The following GLIS3 variants were observed in gnomAD, a reference collection of about 807,000 sequenced individuals.
The protein encoded by GLIS3 is GLIS family zinc finger 3.
In GLIS3, 53 loss-of-function variants were observed where a neutral mutation model predicts 78.6. The observed-to-expected ratio is 0.67, with a 90% CI of 0.54 to 0.85. The LOEUF (loss-of-function observed/expected upper bound fraction) is 0.85. Among genes scored for constraint, GLIS3 ranks in the 40% least tolerant of loss-of-function variants. GLIS3 has a pLI of 0.00. For synonymous variants in GLIS3, 684 were observed against 509.9 expected (o/e 1.34, Z -4.60); for missense variants, 1,703 against 1,231.1 (o/e 1.38, Z -5.74).
At chr9:4,084,358 T>C (rs1250064359) in intron 4 of GLIS3, among the ~76,000 whole-genome samples, 1 of 152,044 alleles carries the variant, frequency 6.6e-6, no homozygotes, top group Admixed American at 6.6e-5. Flanking sequence ...TGCGGTTCTC[T>C]ACATTTGAAG....
intron 9 of GLIS3, among the ~76,000 whole-genome samples, chr9:3,831,636 T>C (rs1388439374): frequency 1.3e-5 from 2 of 152,228 alleles, no homozygotes; most frequent in Non-Finnish European, 2.9e-5. Context: ...CCTGAAAATA[T>C]ATTCTGAAGA....
chr9:3,831,496 C>G (rs1818042226), intron 9 of GLIS3, among the ~76,000 whole-genome samples: 1 of 152,178 alleles, frequency 6.6e-6, no homozygotes, highest in African/African-American at 2.4e-5. Flanking sequence ...ATGAAGAAGG[C>G]ATTTCTATGT....
chr9:4,477,478 G>C, the GLIS3 span, among the ~76,000 whole-genome samples: 13 of 151,990 alleles, frequency 8.6e-5, no homozygotes, highest in Admixed American at 6.6e-5. Context: ...GCAATGGCGT[G>C]ATCACGGCTC....
chr9:4,005,421 C>G (rs538675682), intron 4 of GLIS3, among the ~76,000 whole-genome samples: 1 of 152,156 alleles, frequency 6.6e-6, no homozygotes, highest in Non-Finnish European at 1.5e-5. Context: ...TTCATACTCA[C>G]AGGGGGCTAA....
At chr9:4,254,237 A>G (rs764716673) in intron 2 of GLIS3, among the ~76,000 whole-genome samples, 1 of 152,218 alleles carries the variant, frequency 6.6e-6, no homozygotes, top group Non-Finnish European at 1.5e-5. Context: ...TATTAGTAAA[A>G]CCAATCAGAA....
chr9:4,485,020 G>A, the GLIS3 span, among the ~76,000 whole-genome samples: 1 of 148,444 alleles, frequency 6.7e-6, no homozygotes, highest in Admixed American at 6.7e-5. Context: ...TTGGGGGGGT[G>A]GGGGTGGTGG....
chr9:4,414,805 T>C, the GLIS3 span, among the ~76,000 whole-genome samples: 12 of 152,162 alleles, frequency 7.9e-5, no homozygotes, highest in Non-Finnish European at 1.2e-4. Context: ...GTTTCTCATC[T>C]TCCACCGTAT....
intron 2 of GLIS3, among the ~76,000 whole-genome samples, chr9:4,233,259 G>A (rs7028062): frequency 0.24 from 37,193 of 152,038 alleles, 5,233 homozygotes; most frequent in Middle Eastern, 0.33. Flanking sequence ...GTTATAGCTG[G>A]CCACTGTCAC....
chr9:4,333,160 T>C (rs1469236408), intron 2 of GLIS3, among the ~76,000 whole-genome samples: 1 of 151,758 alleles, frequency 6.6e-6, no homozygotes, highest in East Asian at 1.9e-4. Flanking sequence ...AGCAGGAGGA[T>C]TGCTTGAGAC....
At chr9:4,051,133 G>C (rs1247549139) in intron 4 of GLIS3, among the ~76,000 whole-genome samples, 1 of 152,106 alleles carries the variant, frequency 6.6e-6, no homozygotes. Flanking sequence ...AAAGAAACTG[G>C]GTCAAAATGG....
chr9:4,390,696 T>G, the GLIS3 span, among the ~76,000 whole-genome samples: 3 of 152,032 alleles, frequency 2.0e-5, no homozygotes, highest in African/African-American at 7.2e-5. Context: ...AGATCCAGAG[T>G]TGGTGGTGGC....
chr9:4,480,609 A>C, the GLIS3 span, among the ~76,000 whole-genome samples: 1 of 152,110 alleles, frequency 6.6e-6, no homozygotes, highest in South Asian at 2.1e-4. Context: ...GAACGTTACC[A>C]CATTTTCAAA....
the GLIS3 span, among the ~76,000 whole-genome samples, chr9:4,437,422 A>ATGTATCTATCTATCTATCTATCTATCTG: frequency 1.2e-4 from 7 of 56,850 alleles, no homozygotes; most frequent in African/African-American, 3.2e-4. Flanking sequence ...GTATGTATGT[A>ATGTATCTATCTATCTATCTATCTATCTG]TCTATCTATC....
intron 4 of GLIS3, among the ~76,000 whole-genome samples, chr9:4,009,987 C>G (rs986587690): frequency 6.6e-6 from 1 of 152,178 alleles, no homozygotes; most frequent in Non-Finnish European, 1.5e-5. Flanking sequence ...CATGGGGTCT[C>G]TACGTCAGCA....
chr9:4,150,834 G>A (rs1834621911), intron 2 of GLIS3: 1 of 152,146 alleles, frequency 6.6e-6, no homozygotes, highest in African/African-American at 2.4e-5. Flanking sequence ...GGCAGCATCA[G>A]GACAAAAATC....
rs182723449 is a variant in GLIS3 at position 3,926,472 on chromosome 9, C to T, written c.1983+5888G>A. On this transcript the variant is annotated intron_variant, in intron 6 of 10. Coordinates refer to ENST00000381971, the MANE Select transcript of GLIS3 (RefSeq NM_001042413.2). Reference sequence around the variant, plus strand: ...GTCTCGATCTCCTGACCTCATGATCCGCCTGTCTCGGTCTCCCAAAGTGCT... The same window carrying T: ...GTCTCGATCTCCTGACCTCATGATCTGCCTGTCTCGGTCTCCCAAAGTGCT... Among the ~76,000 whole-genome samples, 148 of 152,032 alleles carry T rather than the reference C, an allele frequency of 9.7e-4. 1 individual carries two copies. Among genetic ancestry groups the T allele is most frequent in the African/African-American group, 3.3e-3 (138 of 41,502 alleles).
chr9:4,362,890 G>A, the GLIS3 span, among the ~76,000 whole-genome samples: 1 of 152,106 alleles, frequency 6.6e-6, no homozygotes, highest in East Asian at 1.9e-4. Flanking sequence ...ATCAGAATGA[G>A]GTAGAATTTG....
the GLIS3 span, among the ~76,000 whole-genome samples, chr9:4,421,850 G>GATTCAGGGATGCCCCCTAGA: frequency 6.6e-6 from 1 of 152,316 alleles, no homozygotes; most frequent in South Asian, 2.1e-4. Context: ...CTTAACCTAG[G>GATTCAGGGATGCCCCCTAGA]ATTCAGGGAT....
At chr9:3,867,983 A>G (rs1172632062) in intron 8 of GLIS3, among the ~76,000 whole-genome samples, 2 of 152,206 alleles carry the variant, frequency 1.3e-5, no homozygotes, top group East Asian at 3.8e-4. Flanking sequence ...GAGCCCCCAG[A>G]GGGGACACTA....
Sources: allele counts gnomAD v4.1 joint callset (sites outside exome capture counted in the v4.1 genomes callset), GRCh38; gene constraint gnomAD v4.1.1; transcripts MANE v1.5; gene names NCBI Gene and HGNC (gene_info 2026-07-23, HGNC 2026-07-21).